SON: variants seen among roughly 807,000 people sequenced by gnomAD.
SON encodes SON DNA and RNA binding protein.
A neutral mutation model predicts 173.3 loss-of-function variants in SON; 4 were observed. The ratio of observed to expected loss-of-function variants is 0.02; its 90% CI spans 0.01 to 0.05. SON has a LOEUF of 0.05. Ranked by LOEUF, SON falls within the 10% of genes least tolerant of loss-of-function variation. The pLI is 1.00. For missense variants in SON, 2,626 were observed against 3,055.3 expected (o/e 0.86, Z 3.31); for synonymous variants, 1,190 against 1,105.9 (o/e 1.08, Z -1.51).
intron 1 of SON, 40 bp from the exon 2 acceptor site, chr21:33,546,173 G>T: frequency 1.3e-6 from 2 of 1,531,340 alleles, no homozygotes; most frequent in South Asian, 1.2e-5. Flanking sequence ...TTAATGGTAT[G>T]ATAAAATATT....
intron 6 of SON, chr21:33,560,134 A>G: frequency 1.2e-6 from 2 of 1,610,158 alleles, no homozygotes; most frequent in South Asian, 1.1e-5. Context: ...GGTGGTAGCA[A>G]ATTTATCGGG....
At position 33,550,043 on chromosome 21, in the gene SON, A is replaced by G. The variant is rs1569051250; in HGVS notation, c.812A>G (p.Gln271Arg). ...GTTGTAACAATGTCAGTGGAGTATCAGATGAAGTCTGTGCTGAAATCTGTG... is the reference window on the plus strand; with the variant it reads ...GTTGTAACAATGTCAGTGGAGTATCGGATGAAGTCTGTGCTGAAATCTGTG... ...EPVVTMSVEY[Q>R]MKSVLKSVES... Residue 271 changes from glutamine to arginine, a missense_variant, in exon 3 of 12, where the codon CAG (glutamine) becomes CGG (arginine). Coordinates refer to ENST00000356577, the MANE Select transcript of SON (RefSeq NM_138927.4). 6.2e-7 allele frequency: 1 copy of G among 1,614,168 alleles called. No individual in the cohort carries two copies.
At position 33,543,073 on chromosome 21, in the gene SON, G is replaced by T. The variant is rs888162332; in HGVS notation, c.-20G>T. 7 of 1,613,336 alleles carry T rather than the reference G, an allele frequency of 4.3e-6. No homozygotes were observed. The highest frequency in any genetic ancestry group is 5.9e-6 in the Non-Finnish European group (7 of 1,179,300). Reference sequence around the variant, plus strand: ...CCTGGAGGACTAGCGAGGAGGAGTTGAGAGAACGGAGCGGACGCCATGGCG... The same window carrying T: ...CCTGGAGGACTAGCGAGGAGGAGTTTAGAGAACGGAGCGGACGCCATGGCG... On this transcript the variant is annotated 5_prime_UTR_variant, in exon 1 of 12. Transcript: ENST00000356577.
chr21:33,554,767 A>G lies in SON; in HGVS notation c.5536A>G (p.Arg1846Gly), dbSNP rs922307863. 1.2e-5 allele frequency: 19 copies of G among 1,613,798 alleles called. No homozygotes were observed. Among genetic ancestry groups the G allele is most frequent in the Non-Finnish European group, 1.6e-5 (19 of 1,180,038 alleles). Reference protein sequence around the residue: ...SRKRTSESRSRARKRSSKSKS... With the variant: ...SRKRTSESRSGARKRSSKSKS... ...CAAGCGTACCAGTGAATCTCGTTCT[A>G]GGGCAAGAAAGAGATCATCTAAGTC... Residue 1846 changes from arginine (R) to glycine (G), a missense_variant, in exon 3 of 12, where the codon AGG (arginine) becomes GGG (glycine). Physicochemically the swap from Arg to Gly is moderately radical, Grantham distance 125 (BLOSUM62 -2). Around this residue, in one of 13 missense-constraint regions of SON, gnomAD observed 1,006 missense variants for 895.6 expected, o/e 1.12. Transcript: ENST00000356577.
chr21:33,568,027 C>T (rs563914178), intron 7 of SON, among the ~76,000 whole-genome samples: 1 of 152,298 alleles, frequency 6.6e-6, no homozygotes, highest in Non-Finnish European at 1.5e-5. Flanking sequence ...CAATGGACAG[C>T]CTCTCCATTT....
intron 6 of SON, chr21:33,560,197 T>C: frequency 3.2e-6 from 5 of 1,554,708 alleles, no homozygotes; most frequent in Non-Finnish European, 4.3e-6. Flanking sequence ...AAGAACTGGA[T>C]TGGAAAAGGT....
At position 33,551,533 on chromosome 21, in the gene SON, A is replaced by G. The variant is rs770256174; in HGVS notation, c.2302A>G (p.Thr768Ala). 8.7e-6 allele frequency: 14 copies of G among 1,612,604 alleles called. No homozygotes were observed. Among genetic ancestry groups the G allele is most frequent in the East Asian group, 4.5e-5 (2 of 44,808 alleles). ...CACCATGGACTCCCAGATGTTAGCA[A>G]CTAGCTCCATGGACTCCCAGATGTT... The part of the protein sequence containing the change: ...SSTMDSQMLA[T>A]SSMDSQMLAT... Residue 768 changes from threonine (T) to alanine (A), a missense_variant, in exon 3 of 12, where the codon ACT becomes GCT. Thr to Ala is a moderately conservative substitution (Grantham distance 58). Transcript: ENST00000356577.
intron 1 of SON, among the ~76,000 whole-genome samples, chr21:33,544,545 T>TC (rs140620400): frequency 0.11 from 16,803 of 151,954 alleles, 1,179 homozygotes; most frequent in Admixed American, 0.19. Context: ...TCATTTCATT[T>TC]CCCCCCCCAT....
chr21:33,543,312 GGCCCCCCCCAACC>G, intron 1 of SON, 143 bp downstream of exon 1: 1 of 742,048 alleles, frequency 1.3e-6, no homozygotes, highest in Non-Finnish European at 2.3e-6. Flanking sequence ...CCATTTTCCG[GGCCCCCCCCAACC>G]GCCCCCCCAG....
In SON at chr21:33,569,094, A is replaced by C. The variant is rs778029004; in HGVS notation, c.6885+7A>C. The C allele has an allele frequency of 6.0e-6, 9 of 1,491,722 alleles. No individual in the cohort carries two copies. The highest frequency in any genetic ancestry group is 8.4e-6 in the Non-Finnish European group (9 of 1,069,670). The allele number at this position is 1,491,722 out of a possible 1,614,324, so 92.4% of individuals were successfully genotyped here. Reference sequence around the variant, plus strand: ...CCAAGCCTGGATTAAAAAGGTACACAGTATATGCACATATGAAAGTGTCGA... The same window carrying C: ...CCAAGCCTGGATTAAAAAGGTACACCGTATATGCACATATGAAAGTGTCGA... On this transcript the variant is annotated splice_region_variant and intron_variant, in intron 8 of 11. Transcript: ENST00000356577.
chr21:33,554,534 CCAGCCCGGTTGTA>C lies in SON; in HGVS notation c.5304_5316del (p.Ser1769ValfsTer22), dbSNP rs754038069. On this transcript the variant is annotated frameshift_variant, in exon 3 of 12. Coordinates refer to ENST00000356577, the MANE Select transcript of SON (RefSeq NM_138927.4). LOFTEE classifies it high-confidence loss of function. ...GATGTTGGACGTGACAGATCTGCTGCCAGCCCGGTTGTAAGTAGTATGCCAGAAAGAGCTTCAG... is the reference window on the plus strand; with the variant it reads ...GATGTTGGACGTGACAGATCTGCTGCAGTAGTATGCCAGAAAGAGCTTCAG... 108 of 1,614,076 alleles carry C rather than the reference CCAGCCCGGTTGTA, an allele frequency of 6.7e-5. No individual in the cohort carries two copies. The African/African-American group carries it at 1.3e-3, about 20-fold the overall frequency.
chr21:33,557,665 C>G (rs866671284), intron 4 of SON: 13 of 1,519,188 alleles, frequency 8.6e-6, no homozygotes, highest in Non-Finnish European at 1.1e-5. Flanking sequence ...GTTCACTGAT[C>G]GCCACGAGTA....
rs747420533 is a variant in SON at position 33,551,883 on chromosome 21, G to C, written c.2652G>C (p.Gln884His). 1 of 1,614,070 alleles carries C rather than the reference G, an allele frequency of 6.2e-7. No individual in the cohort carries two copies. Among genetic ancestry groups the C allele is most frequent in the Non-Finnish European group, 8.5e-7 (1 of 1,180,000 alleles). The stretch of plus-strand genomic sequence containing the variant: ...TAGCTTCTGGCACCATGGATGCTCA[G>C]ATGTTAGCGTCTGGTACCATGGATG... ...QMLASGTMDA[Q>H]MLASGTMDAQ... is the part of the protein sequence containing the mutation. Residue 884 changes from glutamine (Q) to histidine (H), a missense_variant, in exon 3 of 12, where the codon CAG becomes CAC. Coordinates refer to ENST00000356577, the MANE Select transcript of SON (RefSeq NM_138927.4).
At chr21:33,568,912 C>G (rs1424728277) in intron 7 of SON, 59 bp from the exon 8 acceptor site, 1 of 914,486 alleles carries the variant, frequency 1.1e-6, no homozygotes, top group African/African-American at 1.7e-5. Context: ...GAATTATTAC[C>G]AGTGATGTTT....
In SON at chr21:33,554,387, C is replaced by T; in HGVS notation, c.5156C>T (p.Ser1719Leu). The T allele has an allele frequency of 6.2e-7, 1 of 1,614,178 alleles. No individual in the cohort carries two copies. The highest frequency in any genetic ancestry group is 8.5e-7 in the Non-Finnish European group (1 of 1,180,032). The change falls in exon 3 of 12, where the codon TCA (serine) becomes TTA (leucine). Residue 1719 changes from serine to leucine, a missense_variant. By Grantham distance (145) the Ser-to-Leu change is moderately radical. Coordinates refer to ENST00000356577, the MANE Select transcript of SON (RefSeq NM_138927.4). ...PPPPKETLPD[S>L]GFSANIEDIN... ...CCTCCTAAAGAGACACTGCCTGATT[C>T]AGGATTTTCTGCCAATATTGAGGAT...
At chr21:33,567,509 T>C (rs1054973856) in intron 7 of SON, 1 of 475,536 alleles carries the variant, frequency 2.1e-6, no homozygotes, top group Non-Finnish European at 3.9e-6. Context: ...ATAGAAAAAT[T>C]TCCCTGTCCT....
At position 33,552,835 on chromosome 21, in the gene SON, T is replaced by C; in HGVS notation, c.3604T>C (p.Ser1202Pro). 1 of 1,613,522 alleles carries C rather than the reference T, an allele frequency of 6.2e-7. No individual in the cohort carries two copies. The highest frequency in any genetic ancestry group is 8.5e-7 in the Non-Finnish European group (1 of 1,179,534). ...TACTTGGCCTACAGAGGTGCCATCA[T>C]CACCATCTGAAGAGTCTGTATCGCA... Reference protein sequence around the residue: ...ENTWPTEVPSSPSEESVSQPE... With the variant: ...ENTWPTEVPSPPSEESVSQPE... Residue 1202 changes from serine to proline, a missense_variant, in exon 3 of 12, where the codon TCA becomes CCA. Ser to Pro is a moderately conservative substitution (Grantham distance 74, BLOSUM62 -1). Around this residue, in one of 13 missense-constraint regions of SON, gnomAD observed 1,006 missense variants for 895.6 expected, o/e 1.12. Transcript: ENST00000356577. The surrounding 1 kb of genome is among the most constrained non-coding windows in gnomAD (Gnocchi z 5.6).
rs1303206364 is a variant in SON, at chr21:33,552,297, GTCTATGATGTCCCCTATGGCTGAACGC to G, written c.3078_3104del (p.Pro1027_Ser1035del). 6 of 1,613,880 alleles carry G rather than the reference GTCTATGATGTCCCCTATGGCTGAACGC, an allele frequency of 3.7e-6. No homozygotes were observed. The South Asian group carries it at 5.5e-5, about 15-fold the overall frequency. ...AACGCTCTATGATGTCTTATGAGCG[GTCTATGATGTCCCCTATGGCTGAACGC>G]TCTATGATGTCAGCCTACGAGCGCT... On this transcript the variant is annotated inframe_deletion, in exon 3 of 12. Transcript: ENST00000356577. The surrounding 1 kb of genome is among the most constrained non-coding windows in gnomAD (Gnocchi z 5.6).
rs201192198 is a variant in SON at position 33,551,100 on chromosome 21, G to A, written c.1869G>A (p.Gln623=). 1.5e-5 allele frequency: 25 copies of A among 1,612,924 alleles called. 1 individual carries two copies. In the East Asian group the frequency reaches 2.7e-4, roughly 17 times the overall value. The change falls in exon 3 of 12, where the codon CAG becomes CAA. Residue 623 remains glutamine, a synonymous_variant. Coordinates refer to ENST00000356577, the MANE Select transcript of SON (RefSeq NM_138927.4). The part of the protein sequence containing the change: ...GAAGALELLG[Q]PLATGVLELP... Reference sequence around the variant, plus strand: ...CTGGAGCACTGGAGCTTTTGGGGCAGCCTCTGGCAACAGGGGTGCTGGAGT... The same window carrying A: ...CTGGAGCACTGGAGCTTTTGGGGCAACCTCTGGCAACAGGGGTGCTGGAGT...
Sources: gnomAD v4.1 joint callset for allele counts (sites outside exome capture counted in the v4.1 genomes callset) on GRCh38, gnomAD v4.1.1 for gene constraint, gnomAD v4.1.1 regional missense constraint, Gnocchi (gnomAD v3.1) non-coding constraint, MANE v1.5 for transcripts, NCBI Gene and HGNC (gene_info 2026-07-23, HGNC 2026-07-21) for gene names.